CHSY3: variants seen among roughly 807,000 people sequenced by gnomAD.
CHSY3 encodes chondroitin sulfate synthase 3.
In CHSY3, 35 loss-of-function variants were observed where a neutral mutation model predicts 67.2. The ratio of observed to expected loss-of-function variants is 0.52; its 90% CI spans 0.40 to 0.69. CHSY3 has a LOEUF of 0.69. Ranked by LOEUF, CHSY3 falls within the 30% of genes least tolerant of loss-of-function variation. The probability of loss-of-function intolerance (pLI) is 0.00; values close to 1 mark genes in which losing one functional copy is unlikely to be tolerated. For missense variants in CHSY3, 1,069 were observed against 1,138.5 expected (o/e 0.94, Z 0.88); for synonymous variants, 474 against 434.7 (o/e 1.09, Z -1.12).
chr5:130,032,851 G>A (rs1203361913), intron 2 of CHSY3, among the ~76,000 whole-genome samples: 1 of 152,152 alleles, frequency 6.6e-6, no homozygotes, highest in East Asian at 1.9e-4. Flanking sequence ...GGGTGAGGAA[G>A]CCCAATTAGT....
intron 2 of CHSY3, among the ~76,000 whole-genome samples, chr5:130,039,956 G>A (rs889577098): frequency 1.3e-5 from 2 of 152,054 alleles, no homozygotes; most frequent in African/African-American, 2.4e-5. Context: ...GTGTGTCTAA[G>A]TTGCTTAAAT....
intron 2 of CHSY3, among the ~76,000 whole-genome samples, chr5:129,929,369 C>T (rs542753275): frequency 6.6e-6 from 1 of 152,262 alleles, no homozygotes; most frequent in African/African-American, 2.4e-5. Flanking sequence ...GTATCTTTTA[C>T]TGTGCCTCAG....
rs868464076 is a variant in CHSY3, at chr5:130,143,808, G to T, written c.1087-40421G>T. Among the ~76,000 whole-genome samples the T allele has an allele frequency of 8.8e-5, 3 of 34,070 alleles. No individual in the cohort carries two copies. In the South Asian group the frequency reaches 4.3e-3, roughly 49 times the overall value. 22.4% of individuals were successfully genotyped at this position (34,070 alleles called of 152,430 possible). A position where few individuals can be genotyped will look rare whatever the true frequency, so the allele number is the denominator to read the frequency against. On this transcript the variant is annotated intron_variant, in intron 2 of 2. Transcript: ENST00000305031. The stretch of plus-strand genomic sequence containing the variant: ...TGTATATATATATATATATATATGT[G>T]TGTATATATATATATATATATATAT...
intron 2 of CHSY3, among the ~76,000 whole-genome samples, chr5:129,962,763 A>G (rs1385400680): frequency 6.6e-6 from 1 of 151,910 alleles, no homozygotes. Flanking sequence ...TTTTGTACAT[A>G]TTAACTTGAT....
chr5:130,091,826 A>C, intron 2 of CHSY3, among the ~76,000 whole-genome samples: 1 of 152,140 alleles, frequency 6.6e-6, no homozygotes, highest in Admixed American at 6.6e-5. Flanking sequence ...CTCTTTGCAG[A>C]GTTAATTGTT....
rs531627291 is a variant in CHSY3 at position 130,111,063 on chromosome 5, G to T, written c.1087-73166G>T. On this transcript the variant is annotated intron_variant, in intron 2 of 2. Coordinates refer to ENST00000305031, the MANE Select transcript of CHSY3 (RefSeq NM_175856.5). ...CTCCATGTTTGTATCATTGAAAAAA[G>T]GATGTATGATCATATGAAAGAATGC... 1.4e-4 allele frequency among the ~76,000 whole-genome samples: 21 copies of T among 152,088 alleles called. No homozygotes were observed. In the South Asian group the frequency reaches 4.3e-3, roughly 32 times the overall value.
intron 2 of CHSY3, among the ~76,000 whole-genome samples, chr5:130,071,690 T>A (rs938755000): frequency 1.3e-5 from 2 of 151,972 alleles, no homozygotes; most frequent in African/African-American, 4.8e-5. Flanking sequence ...TTCAGATAGC[T>A]CTCTGACATA....
At chr5:130,069,693 T>G (rs1446470178) in intron 2 of CHSY3, among the ~76,000 whole-genome samples, 3 of 152,044 alleles carry the variant, frequency 2.0e-5, no homozygotes, top group Non-Finnish European at 4.4e-5. Flanking sequence ...TATCGCTATT[T>G]TTATTGGATT....
chr5:129,966,780 G>C (rs1280213804), intron 2 of CHSY3, among the ~76,000 whole-genome samples: 3 of 151,674 alleles, frequency 2.0e-5, no homozygotes, highest in African/African-American at 7.3e-5. Flanking sequence ...CCTAAAGTGG[G>C]TTTAGTTCTT....
In CHSY3 at chr5:129,994,686, G is replaced by A. The variant is rs944779719; in HGVS notation, c.1086+86326G>A. 2.6e-5 allele frequency among the ~76,000 whole-genome samples: 4 copies of A among 152,096 alleles called. No individual in the cohort carries two copies. In the South Asian group the frequency reaches 6.2e-4, roughly 24 times the overall value. ...TGATAGACTGGTTTAAGAAAATGTG[G>A]CACATATATACCATGGAATACTATG... On this transcript the variant is annotated intron_variant, in intron 2 of 2. Transcript: ENST00000305031.
At chr5:130,027,113 C>T (rs914954287) in intron 2 of CHSY3, among the ~76,000 whole-genome samples, 4 of 152,126 alleles carry the variant, frequency 2.6e-5, no homozygotes, top group Non-Finnish European at 4.4e-5. Flanking sequence ...TTCTGGTTCT[C>T]TAACACTATG....
intron 2 of CHSY3, among the ~76,000 whole-genome samples, chr5:129,990,400 G>GTT (rs1763328506): frequency 6.6e-6 from 1 of 151,642 alleles, no homozygotes; most frequent in Non-Finnish European, 1.5e-5. Context: ...GTGTGTGTGT[G>GTT]TGTGTCCTGC....
At chr5:130,006,691 G>T (rs953007328) in intron 2 of CHSY3, among the ~76,000 whole-genome samples, 1 of 152,090 alleles carries the variant, frequency 6.6e-6, no homozygotes, top group Non-Finnish European at 1.5e-5. Flanking sequence ...TTTAAGAAAG[G>T]TATCAAAGTA....
rs1247289903 is a variant in CHSY3, at chr5:129,904,851, C to T, written c.22C>T (p.Pro8Ser). 6.9e-7 allele frequency: 1 copy of T among 1,458,136 alleles called. No homozygotes were observed. Among genetic ancestry groups the T allele is most frequent in the Non-Finnish European group, 9.1e-7 (1 of 1,101,624 alleles). 90.3% of individuals were successfully genotyped at this position (1,458,136 alleles called of 1,614,324 possible). Residue 8 changes from proline (P) to serine (S), a missense_variant, in exon 1 of 3, where the codon CCG (proline) becomes TCG (serine). Pro to Ser is a moderately conservative substitution (Grantham distance 74, BLOSUM62 -1). Around this residue, in one of 5 missense-constraint regions of CHSY3, gnomAD observed 309 missense variants for 262.5 expected, o/e 1.18. Coordinates refer to ENST00000305031, the MANE Select transcript of CHSY3 (RefSeq NM_175856.5). MAVRSRR[P>S]WMSVALGLVL... ...CGCGATGGCTGTGCGCTCTCGCCGC[C>T]CGTGGATGAGCGTGGCATTAGGGCT...
At chr5:130,089,620 G>T (rs1766807801) in intron 2 of CHSY3, among the ~76,000 whole-genome samples, 1 of 152,104 alleles carries the variant, frequency 6.6e-6, no homozygotes, top group Non-Finnish European at 1.5e-5. Context: ...TTGTTAAATT[G>T]CTGTTAGAGG....
At chr5:130,182,863 CAAT>C (rs1318777990) in intron 2 of CHSY3, among the ~76,000 whole-genome samples, 1 of 151,840 alleles carries the variant, frequency 6.6e-6, no homozygotes, top group Non-Finnish European at 1.5e-5. Flanking sequence ...ATATGTCTAT[CAAT>C]GATTTTATTT....
At position 130,021,553 on chromosome 5, in the gene CHSY3, C is replaced by T. The variant is rs553447473; in HGVS notation, c.1086+113193C>T. 2.0e-5 allele frequency among the ~76,000 whole-genome samples: 3 copies of T among 150,748 alleles called. 1 individual carries two copies. The highest frequency in any genetic ancestry group is 7.5e-5 in the African/African-American group (3 of 40,222). Reference sequence around the variant, plus strand: ...TAACCAGTAAAGAATGTTCACACAACCTGTTTTTCTTTTTTTTCCCCCGTC... The same window carrying T: ...TAACCAGTAAAGAATGTTCACACAATCTGTTTTTCTTTTTTTTCCCCCGTC... On this transcript the variant is annotated intron_variant, in intron 2 of 2. Transcript: ENST00000305031.
intron 2 of CHSY3, among the ~76,000 whole-genome samples, chr5:130,135,312 T>C (rs560945515): frequency 1.1e-4 from 17 of 152,042 alleles, no homozygotes; most frequent in African/African-American, 3.9e-4. Flanking sequence ...TGCTGTACTT[T>C]AGTTTTCTTT....
intron 2 of CHSY3, among the ~76,000 whole-genome samples, chr5:130,178,548 G>A (rs1230737088): frequency 2.6e-5 from 4 of 151,866 alleles, no homozygotes; most frequent in Non-Finnish European, 4.4e-5. Flanking sequence ...CACAGCACCC[G>A]GCCGTGGTCT....
Sources: allele counts gnomAD v4.1 joint callset (sites outside exome capture counted in the v4.1 genomes callset), GRCh38; gene constraint gnomAD v4.1.1; regional missense constraint gnomAD v4.1.1; transcripts MANE v1.5; gene names NCBI Gene and HGNC (gene_info 2026-07-23, HGNC 2026-07-21).